Variants in FBN2 observed in about 807,000 individuals in gnomAD.
The protein encoded by FBN2 is fibrillin 2.
In FBN2, 105 loss-of-function variants were observed where a neutral mutation model predicts 355.6. That is an observed-to-expected ratio of 0.30 (90% CI 0.25 to 0.35). FBN2 has a LOEUF of 0.35. Among genes scored for constraint, FBN2 ranks in the 10% least tolerant of loss-of-function variants. FBN2 has a pLI of 1.00. For missense variants in FBN2, 3,280 were observed against 3,758.7 expected, an observed-to-expected ratio of 0.87 and a Z score of 3.33; for synonymous variants, 1,350 against 1,301.2, an observed-to-expected ratio of 1.04 and a Z score of -0.81.
At chr5:128,300,754 A>G in intron 48 of FBN2, 63 bp downstream of exon 48, 2 of 1,556,484 alleles carry the variant, frequency 1.3e-6, no homozygotes, top group Non-Finnish European at 1.8e-6. Flanking sequence ...ATGTTTCCAG[A>G]GTCTTTACCA....
intron 10 of FBN2, among the ~76,000 whole-genome samples, chr5:128,392,405 T>C (rs919834695): frequency 1.3e-5 from 2 of 152,230 alleles, no homozygotes; most frequent in African/African-American, 2.4e-5. Flanking sequence ...ATTACAGGAA[T>C]GTTCTACCAT....
chr5:128,342,112 G>A (rs1751039029), intron 25 of FBN2, among the ~76,000 whole-genome samples: 1 of 152,042 alleles, frequency 6.6e-6, no homozygotes, highest in Non-Finnish European at 1.5e-5. Context: ...TTAGAGACAG[G>A]GTCTGGGAGT....
At chr5:128,434,233 T>C (rs1203003139) in intron 7 of FBN2, among the ~76,000 whole-genome samples, 2 of 151,368 alleles carry the variant, frequency 1.3e-5, no homozygotes. Context: ...GGATTTAGTC[T>C]GGGATTAAGA....
intron 55 of FBN2, among the ~76,000 whole-genome samples, chr5:128,281,644 T>C (rs32206): frequency 0.82 from 124,047 of 152,136 alleles, 50,642 homozygotes; most frequent in East Asian, 0.97. Context: ...TCTTCCACTT[T>C]AATTAATTTA....
In FBN2 at chr5:128,471,345, A is replaced by G. The variant is rs192697723; in HGVS notation, c.629-6424T>C. On this transcript the variant is annotated intron_variant, in intron 5 of 64. Coordinates refer to ENST00000262464, the MANE Select transcript of FBN2 (RefSeq NM_001999.4). Reference sequence around the variant, plus strand: ...GCAAGCAAAGAAGGCAGTACCCAAAATTATATGGGATAATAAAAACATTTC... The same window carrying G: ...GCAAGCAAAGAAGGCAGTACCCAAAGTTATATGGGATAATAAAAACATTTC... Among the ~76,000 whole-genome samples, 10 of 152,126 alleles carry G rather than the reference A, an allele frequency of 6.6e-5. No homozygotes were observed. The East Asian group carries it at 1.7e-3, about 27-fold the overall frequency.
intron 48 of FBN2, among the ~76,000 whole-genome samples, chr5:128,296,467 T>C (rs1337032766): frequency 2.6e-5 from 4 of 151,922 alleles, no homozygotes; most frequent in Non-Finnish European, 4.4e-5. Flanking sequence ...CATCTGGTCC[T>C]GGACTCTTTT....
At chr5:128,441,735 C>T (rs1753926600) in intron 7 of FBN2, among the ~76,000 whole-genome samples, 1 of 152,108 alleles carries the variant, frequency 6.6e-6, no homozygotes. Flanking sequence ...GGGCAGAAAG[C>T]AGGTTTGAGT....
chr5:128,296,444 T>C lies in FBN2; in HGVS notation c.6166+4373A>G, dbSNP rs1383659675. 4.6e-5 allele frequency among the ~76,000 whole-genome samples: 7 copies of C among 151,868 alleles called. No homozygotes were observed. The East Asian group carries it at 1.2e-3, about 25-fold the overall frequency. ...TTCCTCCTTGTACCTCTGGTAGAAT[T>C]CGGCTGTGAATCCATCTGGTCCTGG... On this transcript the variant is annotated intron_variant, in intron 48 of 64. Transcript: ENST00000262464.
At position 128,305,089 on chromosome 5, in the gene FBN2, CAG is replaced by C; in HGVS notation, c.5675-9_5675-8del. ...TCTAAACATTCATTGCGATCTAAAA[CAG>C]AAAAAAATAAATGTTACATGTATCT... On this transcript the variant is annotated splice_region_variant and splice_polypyrimidine_tract_variant and intron_variant, in intron 44 of 64. Transcript: ENST00000262464. 2.5e-6 allele frequency: 4 copies of C among 1,571,310 alleles called. No homozygotes were observed. The highest frequency in any genetic ancestry group is 1.4e-5 in the African/African-American group (1 of 72,302).
At chr5:128,273,483 T>A (rs551732999) in intron 61 of FBN2, among the ~76,000 whole-genome samples, 7 of 152,340 alleles carry the variant, frequency 4.6e-5, no homozygotes, top group African/African-American at 1.7e-4. Flanking sequence ...CTTATACATT[T>A]AAGAATCATG....
Position 128,345,337 on chromosome 5 carries a change from C to A in FBN2, c.3217+20G>T. ...TCCTGTTGGTGAAGAAGGACCAAGG[C>A]GCTGGCCGCAGGCAGTTACCTTTGT... is the stretch of plus-strand genomic sequence containing the variant. On this transcript the variant is annotated intron_variant, in intron 24 of 64. Coordinates refer to ENST00000262464, the MANE Select transcript of FBN2 (RefSeq NM_001999.4). The A allele has an allele frequency of 6.3e-7, 1 of 1,593,752 alleles. No homozygotes were observed. The highest frequency in any genetic ancestry group is 1.7e-4 in the Middle Eastern group (1 of 6,030).
chr5:128,530,048 T>C (rs1756662137), intron 3 of FBN2, among the ~76,000 whole-genome samples: 1 of 152,206 alleles, frequency 6.6e-6, no homozygotes, highest in Admixed American at 6.5e-5. Context: ...AAATAAACAA[T>C]CTTGCTTCTG....
intron 5 of FBN2, among the ~76,000 whole-genome samples, chr5:128,488,527 T>C (rs1375820383): frequency 1.3e-5 from 2 of 152,046 alleles, no homozygotes; most frequent in Non-Finnish European, 2.9e-5. Context: ...GTACTTTAAG[T>C]TTTAGGGTAC....
chr5:128,334,871 G>T (rs756430990), intron 30 of FBN2, 27 bp from the exon 31 acceptor site: 1 of 1,584,650 alleles, frequency 6.3e-7, no homozygotes, highest in South Asian at 1.1e-5. Context: ...CAATATCTTA[G>T]TATGTGCTCA....
intron 15 of FBN2, among the ~76,000 whole-genome samples, chr5:128,372,479 C>T (rs1437971922): frequency 1.3e-5 from 2 of 151,952 alleles, no homozygotes; most frequent in Non-Finnish European, 2.9e-5. Flanking sequence ...TTTTTCATAA[C>T]AGTGATTCAT....
At chr5:128,345,078 G>A (rs1238398767) in intron 24 of FBN2, among the ~76,000 whole-genome samples, 1 of 152,190 alleles carries the variant, frequency 6.6e-6, no homozygotes. Flanking sequence ...AGTGGGAATA[G>A]GTAACTTTTT....
chr5:128,524,236 T>C (rs1231568673), intron 4 of FBN2, among the ~76,000 whole-genome samples: 1 of 152,104 alleles, frequency 6.6e-6, no homozygotes, highest in Admixed American at 6.6e-5. Context: ...TTTCCATAGA[T>C]TTAAAGGCAC....
intron 32 of FBN2, among the ~76,000 whole-genome samples, chr5:128,332,634 G>C (rs1750724229): frequency 6.6e-6 from 1 of 152,048 alleles, no homozygotes; most frequent in African/African-American, 2.4e-5. Context: ...GAACATACTA[G>C]TCATTTTTCA....
intron 48 of FBN2, among the ~76,000 whole-genome samples, chr5:128,294,522 T>C (rs925805900): frequency 3.0e-4 from 45 of 151,524 alleles, no homozygotes; most frequent in South Asian, 6.3e-4. Flanking sequence ...TTTTTAATGA[T>C]TGCCATTCTA....
Sources: allele counts gnomAD v4.1 joint callset (sites outside exome capture counted in the v4.1 genomes callset), GRCh38; gene constraint gnomAD v4.1.1; transcripts MANE v1.5; gene names NCBI Gene and HGNC (gene_info 2026-07-23, HGNC 2026-07-21).